SYNJ2: variants seen among roughly 807,000 people sequenced by gnomAD.
SYNJ2 encodes the protein synaptojanin 2, also known as polyphosphatidylinositol phosphatase SYNJ2.
In SYNJ2, 116 loss-of-function variants were observed where a neutral mutation model predicts 141.3. That is an observed-to-expected ratio of 0.82 (90% CI 0.71 to 0.96). The LOEUF (loss-of-function observed/expected upper bound fraction) is 0.96, where lower values mean the gene tolerates loss of function less well. Among genes scored for constraint, SYNJ2 ranks in the 40% least tolerant of loss-of-function variants. The pLI, the probability that SYNJ2 is intolerant of heterozygous loss-of-function variation, is 0.00. For missense variants in SYNJ2, 1,873 were observed against 1,934.8 expected, an observed-to-expected ratio of 0.97 and a Z score of 0.60; for synonymous variants, 745 against 777.7, an observed-to-expected ratio of 0.96 and a Z score of 0.70.
intron 2 of SYNJ2, among the ~76,000 whole-genome samples, chr6:158,021,982 G>C (rs915928267): frequency 2.6e-5 from 4 of 152,176 alleles, no homozygotes; most frequent in Non-Finnish European, 5.9e-5. Context: ...TGCACCAGGG[G>C]TGCTCACTGC....
chr6:158,070,373 C>T lies in SYNJ2; in HGVS notation c.1940+700C>T, dbSNP rs1781844185. The T allele has an allele frequency of 2.0e-6, 2 of 985,512 alleles. No homozygotes were observed. Among genetic ancestry groups the T allele is most frequent in the African/African-American group, 3.5e-5 (2 of 57,346 alleles). 61.0% of individuals were successfully genotyped at this position (985,512 alleles called of 1,614,324 possible). A position where few individuals can be genotyped will look rare whatever the true frequency, so the allele number is the denominator to read the frequency against. ...GCCTGCCAAGAGCACCACGGGTACA[C>T]CCCTGCAGCACCTGGAGACTAAGAC... On this transcript the variant is annotated intron_variant, in intron 14 of 26. Transcript: ENST00000355585. The surrounding 1 kb of genome is among the most constrained non-coding windows in gnomAD (Gnocchi z 4.0).
In SYNJ2 at chr6:158,071,698, C is replaced by A; in HGVS notation, c.2037C>A (p.Phe679Leu). 2 of 1,614,154 alleles carry A rather than the reference C, an allele frequency of 1.2e-6. No individual in the cohort carries two copies. Among genetic ancestry groups the A allele is most frequent in the African/African-American group, 2.7e-5 (2 of 75,076 alleles). ...GIRFQFHSTSFCFICSHLTAG... is the reference protein window; with the variant it reads ...GIRFQFHSTSLCFICSHLTAG... Reference sequence around the variant, plus strand: ...GCTTCCAGTTCCACAGCACCAGCTTCTGCTTCATATGTAGTCACCTGACGG... The same window carrying A: ...GCTTCCAGTTCCACAGCACCAGCTTATGCTTCATATGTAGTCACCTGACGG... The change falls in exon 15 of 27, where the codon TTC becomes TTA. Residue 679 changes from phenylalanine (F) to leucine (L), a missense_variant. By Grantham distance (22) the Phe-to-Leu change is conservative. Coordinates refer to ENST00000355585, the MANE Select transcript of SYNJ2 (RefSeq NM_003898.4). The surrounding 1 kb of genome is among the most constrained non-coding windows in gnomAD (Gnocchi z 4.3).
In SYNJ2 at chr6:158,070,921, G is replaced by A. The variant is rs191004771; in HGVS notation, c.1941-681G>A. ...TTGATTGCTGGGCACGGTGTCTCAC[G>A]CCTGTAATCCCAGCACTTTGGGAGG... On this transcript the variant is annotated intron_variant, in intron 14 of 26. Transcript: ENST00000355585. The surrounding 1 kb of genome is among the most constrained non-coding windows in gnomAD (Gnocchi z 4.0). Among the ~76,000 whole-genome samples the A allele has an allele frequency of 3.3e-4, 51 of 152,300 alleles. No individual in the cohort carries two copies. The highest frequency in any genetic ancestry group is 1.0e-3 in the African/African-American group (43 of 41,558).
rs979089841 is a variant in SYNJ2 at position 157,982,926 on chromosome 6, A to G, written c.127+838A>G. Among the ~76,000 whole-genome samples the G allele has an allele frequency of 2.0e-5, 3 of 152,148 alleles. No homozygotes were observed. Among genetic ancestry groups the G allele is most frequent in the Admixed American group, 2.0e-4 (3 of 15,278 alleles). On this transcript the variant is annotated intron_variant, in intron 1 of 26. Coordinates refer to ENST00000355585, the MANE Select transcript of SYNJ2 (RefSeq NM_003898.4). The surrounding 1 kb of genome is among the most constrained non-coding windows in gnomAD (Gnocchi z 4.0). ...TAACCTGGGTCCCTTGTTTTGTGCTAACCATTATAAGGAAAACCTGGGTAG... is the reference window on the plus strand; with the variant it reads ...TAACCTGGGTCCCTTGTTTTGTGCTGACCATTATAAGGAAAACCTGGGTAG...
At chr6:158,026,455 C>G (rs1223496536) in intron 2 of SYNJ2, among the ~76,000 whole-genome samples, 1 of 152,134 alleles carries the variant, frequency 6.6e-6, no homozygotes. Flanking sequence ...TGTACAGCTC[C>G]CCTGCCTCCA....
intron 4 of SYNJ2, among the ~76,000 whole-genome samples, chr6:158,034,415 T>A (rs2128339227): frequency 6.6e-6 from 1 of 152,352 alleles, no homozygotes; most frequent in East Asian, 1.9e-4. Flanking sequence ...AGTGAAGGCG[T>A]GGCTGTGCGT....
At chr6:158,011,189 T>C (rs1322756944) in intron 1 of SYNJ2, among the ~76,000 whole-genome samples, 1 of 151,990 alleles carries the variant, frequency 6.6e-6, no homozygotes, top group East Asian at 1.9e-4. Flanking sequence ...AGGAAGGGAC[T>C]GGAGTGAGGA....
intron 4 of SYNJ2, among the ~76,000 whole-genome samples, chr6:158,041,807 C>G (rs1426801371): frequency 2.6e-5 from 4 of 152,230 alleles, no homozygotes; most frequent in Non-Finnish European, 5.9e-5. Flanking sequence ...CTCCTGGGCT[C>G]AGGTGATCTT....
At chr6:158,033,976 C>T (rs1043280671) in intron 4 of SYNJ2, among the ~76,000 whole-genome samples, 2 of 152,118 alleles carry the variant, frequency 1.3e-5, no homozygotes, top group Non-Finnish European at 2.9e-5. Context: ...GAAAGGTGGG[C>T]AGTATTCCAA....
Position 158,043,283 on chromosome 6 carries a change from A to G in SYNJ2, c.712-33A>G, listed in dbSNP as rs144212585. On this transcript the variant is annotated intron_variant, in intron 4 of 26. Transcript: ENST00000355585. This position sits in a 1 kb window ranked among gnomAD's most constrained non-coding sequence, Gnocchi z 4.0. ...CCAGGACGTTCGGTTTCATTGAAGA[A>G]TACCTTTCCCTTTCTGTTTCCTTGT... 3.3e-4 allele frequency: 532 copies of G among 1,599,046 alleles called. 3 individuals are homozygous for G. In the African/African-American group the frequency reaches 6.2e-3, roughly 19 times the overall value.
intron 25 of SYNJ2, among the ~76,000 whole-genome samples, chr6:158,090,702 G>A (rs1038149887): frequency 4.0e-5 from 6 of 151,796 alleles, no homozygotes; most frequent in Non-Finnish European, 8.8e-5. Context: ...GCAGCCCCAT[G>A]ATGAGCCAAT....
chr6:158,083,383 G>A (rs763554655), intron 20 of SYNJ2, 46 bp from the exon 21 acceptor site: 2 of 1,598,322 alleles, frequency 1.3e-6, no homozygotes, highest in South Asian at 2.2e-5. Flanking sequence ...CAACAGGAGG[G>A]GTCATGATTT....
intron 4 of SYNJ2, among the ~76,000 whole-genome samples, chr6:158,036,568 G>T (rs1779649203): frequency 6.6e-6 from 1 of 152,094 alleles, no homozygotes; most frequent in Admixed American, 6.6e-5. Flanking sequence ...TAAATGATGA[G>T]AACACATGGA....
intron 20 of SYNJ2, 58 bp downstream of exon 20, chr6:158,081,568 G>A (rs1366958129): frequency 9.4e-6 from 12 of 1,270,324 alleles, no homozygotes; most frequent in Admixed American, 7.0e-5. Context: ...CTTTTTATGT[G>A]GGCATGTCTT....
Position 158,028,756 on chromosome 6 carries a change from G to A in SYNJ2, c.215G>A (p.Gly72Asp). 1 of 1,613,478 alleles carries A rather than the reference G, an allele frequency of 6.2e-7. No homozygotes were observed. The highest frequency in any genetic ancestry group is 2.2e-5 in the East Asian group (1 of 44,874). Residue 72 changes from glycine (G) to aspartate (D), a missense_variant and splice_region_variant, in exon 3 of 27, where the codon GGT becomes GAT. Coordinates refer to ENST00000355585, the MANE Select transcript of SYNJ2 (RefSeq NM_003898.4). ...CTCTCCTGTCTGATTTCCTTTCCAG[G>A]TGGCACGTCTCTGAGCTTCCTGGTG... ...GCLGELRLKS[G>D]GTSLSFLVLV...
At chr6:158,005,393 C>T (rs1223495899) in intron 1 of SYNJ2, among the ~76,000 whole-genome samples, 1 of 152,114 alleles carries the variant, frequency 6.6e-6, no homozygotes, top group African/African-American at 2.4e-5. Flanking sequence ...GATCTTTGAC[C>T]CCACTGGGAT....
intron 1 of SYNJ2, among the ~76,000 whole-genome samples, chr6:158,005,299 A>G (rs946540921): frequency 4.6e-5 from 7 of 152,134 alleles, no homozygotes; most frequent in Middle Eastern, 3.4e-3. Context: ...GGATGGTCTC[A>G]ATCTCCTGAC....
At chr6:158,028,686 T>A (rs1779190293) in intron 2 of SYNJ2, 70 bp from the exon 3 acceptor site, 1 of 1,567,362 alleles carries the variant, frequency 6.4e-7, no homozygotes, top group East Asian at 2.2e-5. Flanking sequence ...GGGCTCCATT[T>A]GTCCCCTTGG....
chr6:158,086,854 G>T lies in SYNJ2; in HGVS notation c.3209-1G>T. 1 of 1,611,668 alleles carries T rather than the reference G, an allele frequency of 6.2e-7. No individual in the cohort carries two copies. On this transcript the variant is annotated splice_acceptor_variant, in intron 22 of 26. Coordinates refer to ENST00000355585, the MANE Select transcript of SYNJ2 (RefSeq NM_003898.4). LOFTEE classifies it high-confidence loss of function. ...TACTCATGCCCCGCCATGTCCTCCAGATGACGCGGACCTGGTGGAGCTCAA... is the reference window on the plus strand; with the variant it reads ...TACTCATGCCCCGCCATGTCCTCCATATGACGCGGACCTGGTGGAGCTCAA...
Sources: allele counts gnomAD v4.1 joint callset (sites outside exome capture counted in the v4.1 genomes callset), GRCh38; gene constraint gnomAD v4.1.1; non-coding constraint Gnocchi (gnomAD v3.1); transcripts MANE v1.5; gene names NCBI Gene and HGNC (gene_info 2026-07-23, HGNC 2026-07-21).